KIAA1614: variants seen among roughly 807,000 people sequenced by gnomAD.
KIAA1614 encodes the protein KIAA1614, also known as uncharacterized protein KIAA1614.
In KIAA1614, 76 loss-of-function variants were observed where a neutral mutation model predicts 88.7. That is an observed-to-expected ratio of 0.86 (90% CI 0.71 to 1.04). The LOEUF is 1.04. Ranked by LOEUF, KIAA1614 falls within the 50% of genes least tolerant of loss-of-function variation. The pLI is 0.00. For synonymous variants in KIAA1614, 714 were observed against 675.5 expected (o/e 1.06, Z -0.88); for missense variants, 1,553 against 1,582.5 (o/e 0.98, Z 0.32).
At chr1:180,922,660 A>T (rs965009225) in intron 3 of KIAA1614, among the ~76,000 whole-genome samples, 2 of 152,178 alleles carry the variant, frequency 1.3e-5, no homozygotes, top group Non-Finnish European at 2.9e-5. Flanking sequence ...CTGAGATAGG[A>T]AAAAACCAAA....
intron 6 of KIAA1614, among the ~76,000 whole-genome samples, 190 bp downstream of exon 6, chr1:180,938,901 G>A (rs1254103488): frequency 6.6e-6 from 1 of 152,178 alleles, no homozygotes; most frequent in African/African-American, 2.4e-5. Context: ...TGATGTACCT[G>A]ATCATTCATT....
At chr1:180,939,321 A>G (rs1009598745) in intron 6 of KIAA1614, among the ~76,000 whole-genome samples, 1 of 152,158 alleles carries the variant, frequency 6.6e-6, no homozygotes, top group African/African-American at 2.4e-5. Context: ...GCTCTCCAGA[A>G]CTTCAGAGCT....
At position 180,945,752 on chromosome 1, in the gene KIAA1614, G is replaced by A. The variant is rs557813723; in HGVS notation, c.*164G>A. The A allele has an allele frequency of 4.4e-6, 6 of 1,372,324 alleles. No individual in the cohort carries two copies. Among genetic ancestry groups the A allele is most frequent in the African/African-American group, 1.5e-5 (1 of 65,970 alleles). The allele number at this position is 1,372,324 out of a possible 1,614,324, so 85.0% of individuals were successfully genotyped here. On this transcript the variant is annotated 3_prime_UTR_variant, in exon 9 of 9. Coordinates refer to ENST00000367588, the MANE Select transcript of KIAA1614 (RefSeq NM_020950.2). ...GTGCGTTGGTGGGGAGTGTGCGGGAGGGGGTAGAGTTGGCAGGTTTGACTC... is the reference window on the plus strand; with the variant it reads ...GTGCGTTGGTGGGGAGTGTGCGGGAAGGGGTAGAGTTGGCAGGTTTGACTC...
Position 180,938,558 on chromosome 1 carries a change from G to A in KIAA1614, c.2765G>A (p.Gly922Glu), listed in dbSNP as rs1178061658. 1 of 1,613,792 alleles carries A rather than the reference G, an allele frequency of 6.2e-7. No homozygotes were observed. Among genetic ancestry groups the A allele is most frequent in the South Asian group, 1.1e-5 (1 of 91,020 alleles). Residue 922 changes from glycine (G) to glutamate (E), a missense_variant, in exon 6 of 9, where the codon GGA (glycine) becomes GAA (glutamate). Gly to Glu is a moderately conservative substitution (Grantham distance 98, BLOSUM62 -2). Transcript: ENST00000367588. ...TGGGATGCTGTGCTTGTTTCAGGAGGACCCCAGGGCTTTCTTGGCTCAGCA... is the reference window on the plus strand; with the variant it reads ...TGGGATGCTGTGCTTGTTTCAGGAGAACCCCAGGGCTTTCTTGGCTCAGCA... ...EPPLENSRDG[G>E]PQGFLGSADV...
At chr1:180,928,614 G>C (rs549074650) in intron 4 of KIAA1614, 41 bp downstream of exon 4, 1 of 1,591,742 alleles carries the variant, frequency 6.3e-7, no homozygotes, top group East Asian at 2.3e-5. Flanking sequence ...GAGGGCCATA[G>C]CAGGGAAGAG....
chr1:180,938,327 C>T (rs1309591186), intron 5 of KIAA1614, among the ~76,000 whole-genome samples: 1 of 152,192 alleles, frequency 6.6e-6, no homozygotes, highest in Non-Finnish European at 1.5e-5. Context: ...TCCCTGTCCT[C>T]AAATAGTTTC....
chr1:180,939,943 A>G (rs1392725426), intron 6 of KIAA1614, among the ~76,000 whole-genome samples: 1 of 152,084 alleles, frequency 6.6e-6, no homozygotes, highest in Non-Finnish European at 1.5e-5. Flanking sequence ...GCTGTTCCCC[A>G]CACCTGGACT....
intron 1 of KIAA1614, among the ~76,000 whole-genome samples, chr1:180,914,741 TA>T (rs1185477821): frequency 4.0e-5 from 6 of 150,902 alleles, no homozygotes; most frequent in East Asian, 3.9e-4. Context: ...TATTTTTATT[TA>T]TTTTTTTTAT....
chr1:180,923,334 T>C (rs1381067209), intron 3 of KIAA1614, among the ~76,000 whole-genome samples: 2 of 152,162 alleles, frequency 1.3e-5, no homozygotes, highest in Non-Finnish European at 2.9e-5. Context: ...CCTGAAGCTA[T>C]CTAGGGACTC....
rs183595049 is a variant in KIAA1614 at position 180,916,563 on chromosome 1, G to A, written c.460G>A (p.Gly154Ser). 142 of 1,611,692 alleles carry A rather than the reference G, an allele frequency of 8.8e-5. No homozygotes were observed. In the African/African-American group the frequency reaches 1.6e-3, roughly 18 times the overall value. ...TQNLPDGQLD[G>S]SINEEQPARD... Reference sequence around the variant, plus strand: ...AAACCTGCCTGATGGGCAGCTGGACGGCAGCATCAATGAGGAGCAACCCGC... The same window carrying A: ...AAACCTGCCTGATGGGCAGCTGGACAGCAGCATCAATGAGGAGCAACCCGC... Residue 154 changes from glycine to serine, a missense_variant, in exon 2 of 9, where the codon GGC (glycine) becomes AGC (serine). Transcript: ENST00000367588.
chr1:180,935,554 G>A lies in KIAA1614; in HGVS notation c.1645G>A (p.Ala549Thr). 1.9e-6 allele frequency: 3 copies of A among 1,596,168 alleles called. No homozygotes were observed. Among genetic ancestry groups the A allele is most frequent in the East Asian group, 2.3e-5 (1 of 44,220 alleles). The change falls in exon 5 of 9, where the codon GCC becomes ACC. Residue 549 changes from alanine (A) to threonine (T), a missense_variant. Ala to Thr is a moderately conservative substitution (Grantham distance 58). Transcript: ENST00000367588. This position sits in a 1 kb window ranked among gnomAD's most constrained non-coding sequence, Gnocchi z 6.1. ...CGSCIDDPRP[A>T]QGKAPPVPRT... ...CAGCTGCATCGACGACCCGCGCCCC[G>A]CCCAGGGGAAGGCGCCCCCCGTCCC...
Position 180,928,453 on chromosome 1 carries a change from CTG to C in KIAA1614, c.1088_1089del (p.Val363AlafsTer6). ...AGGACCGTTGGTCCCAACCCGGAGCCTGTGCTGAGCCCCAGGCATGAGGAAGC... is the reference window on the plus strand; with the variant it reads ...AGGACCGTTGGTCCCAACCCGGAGCCTGCTGAGCCCCAGGCATGAGGAAGC... On this transcript the variant is annotated frameshift_variant, in exon 4 of 9. Coordinates refer to ENST00000367588, the MANE Select transcript of KIAA1614 (RefSeq NM_020950.2). LOFTEE classifies it high-confidence loss of function. The C allele has an allele frequency of 6.2e-7, 1 of 1,613,120 alleles. No homozygotes were observed. Among genetic ancestry groups the C allele is most frequent in the African/African-American group, 1.3e-5 (1 of 75,054 alleles).
At chr1:180,937,166 C>T (rs982541478) in intron 5 of KIAA1614, among the ~76,000 whole-genome samples, 1 of 152,264 alleles carries the variant, frequency 6.6e-6, no homozygotes, top group African/African-American at 2.4e-5. Flanking sequence ...TCATTCATTC[C>T]TTCCGCATTG....
chr1:180,928,541 T>A lies in KIAA1614; in HGVS notation c.1173T>A (p.His391Gln). The A allele has an allele frequency of 1.9e-6, 3 of 1,612,818 alleles. No homozygotes were observed. The highest frequency in any genetic ancestry group is 2.5e-6 in the Non-Finnish European group (3 of 1,179,838). The change falls in exon 4 of 9, where the codon CAT becomes CAA. Residue 391 changes from histidine (H) to glutamine (Q), a missense_variant. Coordinates refer to ENST00000367588, the MANE Select transcript of KIAA1614 (RefSeq NM_020950.2). ...GGACCCGGCCCCTCCGTGCCAGCCA[T>A]GACATCGTGCCCACCATTACCCAGG... Reference protein sequence around the residue: ...KARTRPLRASHDIVPTITQGS... With the variant: ...KARTRPLRASQDIVPTITQGS...
In KIAA1614 at chr1:180,949,127, G is replaced by C. The variant is rs1249483606; in HGVS notation, c.*3539G>C. 6.6e-6 allele frequency: 1 copy of C among 152,312 alleles called. No individual in the cohort carries two copies. Among genetic ancestry groups the C allele is most frequent in the Non-Finnish European group, 1.5e-5 (1 of 68,090 alleles). The allele number at this position is 152,312 out of a possible 1,614,324, so 9.4% of individuals were successfully genotyped here. ...CGGGCCCCTGCTAAGAACCTGATTC[G>C]AGGAAAAGGAAGTGAAGACAGTAAC... On this transcript the variant is annotated 3_prime_UTR_variant, in exon 9 of 9. Transcript: ENST00000367588.
intron 3 of KIAA1614, among the ~76,000 whole-genome samples, chr1:180,924,760 C>G (rs941078197): frequency 3.3e-5 from 5 of 152,158 alleles, no homozygotes; most frequent in Admixed American, 3.3e-4. Flanking sequence ...TCATTTCAAA[C>G]ATGCCTTCCC....
At chr1:180,923,924 C>A (rs909686644) in intron 3 of KIAA1614, among the ~76,000 whole-genome samples, 1 of 151,842 alleles carries the variant, frequency 6.6e-6, no homozygotes, top group African/African-American at 2.4e-5. Context: ...CTGATATACA[C>A]GCACAAAGGA....
At chr1:180,923,615 A>G (rs1654000818) in intron 3 of KIAA1614, among the ~76,000 whole-genome samples, 1 of 152,196 alleles carries the variant, frequency 6.6e-6, no homozygotes, top group African/African-American at 2.4e-5. Flanking sequence ...TCCTGGGGCA[A>G]GAACTGTGCT....
chr1:180,943,030 T>TTTTTTTTTTTTG (rs1553260078), intron 7 of KIAA1614, among the ~76,000 whole-genome samples: 1 of 5,888 alleles, frequency 1.7e-4, no homozygotes, highest in Non-Finnish European at 4.6e-4. Context: ...TTTTTTGGGT[T>TTTTTTTTTTTTG]TTTTTTTTTT....
Sources: gnomAD v4.1 joint callset for allele counts (sites outside exome capture counted in the v4.1 genomes callset) on GRCh38, gnomAD v4.1.1 for gene constraint, Gnocchi (gnomAD v3.1) non-coding constraint, MANE v1.5 for transcripts, NCBI Gene and HGNC (gene_info 2026-07-23, HGNC 2026-07-21) for gene names.